ADGRL3: variants seen among roughly 807,000 people sequenced by gnomAD.
ADGRL3 encodes the protein adhesion G protein-coupled receptor L3.
A neutral mutation model predicts 153.5 loss-of-function variants in ADGRL3; 62 were observed. The ratio of observed to expected loss-of-function variants is 0.40; its 90% CI spans 0.33 to 0.50. The LOEUF is 0.50. ADGRL3 is among the 20% of genes least tolerant of loss of function. The probability of loss-of-function intolerance (pLI) is 0.47; values close to 1 mark genes in which losing one functional copy is unlikely to be tolerated. For synonymous variants in ADGRL3, 710 were observed against 672.5 expected, an observed-to-expected ratio of 1.06 and a Z score of -0.86; for missense variants, 1,641 against 1,859.4, an observed-to-expected ratio of 0.88 and a Z score of 2.16.
intron 15 of ADGRL3, among the ~76,000 whole-genome samples, chr4:61,945,789 T>A (rs2098919279): frequency 1.3e-5 from 2 of 151,684 alleles, no homozygotes; most frequent in Non-Finnish European, 2.9e-5. Context: ...TCGCCCTGCT[T>A]CGGCTCGCGC....
intron 8 of ADGRL3, among the ~76,000 whole-genome samples, chr4:61,757,048 C>T (rs1181566157): frequency 2.6e-5 from 4 of 152,116 alleles, no homozygotes; most frequent in Admixed American, 6.5e-5. Context: ...ATTTTTGCGT[C>T]GATGTTCATC....
intron 6 of ADGRL3, among the ~76,000 whole-genome samples, chr4:61,706,740 G>A (rs557044261): frequency 6.6e-6 from 1 of 152,234 alleles, no homozygotes; most frequent in South Asian, 2.1e-4. Context: ...TGGCTCATTG[G>A]ATCTTCTATC....
At position 61,854,066 on chromosome 4, in the gene ADGRL3, C is replaced by G. The variant is rs2098237649; in HGVS notation, c.1481-38590C>G. ...AATCATCTCTTTGTATGTTTATAAGCCAGAGCATCTGGGAATTTATTGCCT... is the reference window on the plus strand; with the variant it reads ...AATCATCTCTTTGTATGTTTATAAGGCAGAGCATCTGGGAATTTATTGCCT... On this transcript the variant is annotated intron_variant, in intron 9 of 26. Transcript: ENST00000683033. 3.3e-5 allele frequency among the ~76,000 whole-genome samples: 5 copies of G among 152,122 alleles called. No homozygotes were observed. The South Asian group carries it at 1.0e-3, about 32-fold the overall frequency.
chr4:62,006,318 C>T (rs2099159067), intron 21 of ADGRL3, among the ~76,000 whole-genome samples: 1 of 151,804 alleles, frequency 6.6e-6, no homozygotes, highest in East Asian at 1.9e-4. Flanking sequence ...CCGCGGAGCC[C>T]AGCCTACATT....
At chr4:61,823,931 C>T (rs555169696) in intron 9 of ADGRL3, among the ~76,000 whole-genome samples, 8 of 151,926 alleles carry the variant, frequency 5.3e-5, no homozygotes, top group East Asian at 3.9e-4. Context: ...CGTGGTGGCA[C>T]GCACCTGTAG....
rs145713134 is a variant in ADGRL3, at chr4:61,638,402, T to C, written c.474-38424T>C. Among the ~76,000 whole-genome samples, 3 of 152,276 alleles carry C rather than the reference T, an allele frequency of 2.0e-5. No individual in the cohort carries two copies. The East Asian group carries it at 5.8e-4, about 29-fold the overall frequency. ...GTATGAAGACACTGGGGTAGTAAGA[T>C]ATCCTAAACTTCATAGTGGTGTGGG... On this transcript the variant is annotated intron_variant, in intron 5 of 26. Transcript: ENST00000683033.
intron 1 of ADGRL3, among the ~76,000 whole-genome samples, chr4:61,294,884 TACACAC>T (rs3035669): frequency 9.5e-6 from 1 of 105,132 alleles, no homozygotes; most frequent in Non-Finnish European, 2.0e-5. Flanking sequence ...AATTAAATTT[TACACAC>T]ACACACACAC....
chr4:61,671,962 A>G (rs138723266), intron 5 of ADGRL3, among the ~76,000 whole-genome samples: 17 of 152,246 alleles, frequency 1.1e-4, no homozygotes, highest in African/African-American at 3.8e-4. Flanking sequence ...CTCAGAAAGA[A>G]GTGACAAATA....
chr4:61,989,471 A>G (rs535842345), intron 19 of ADGRL3, among the ~76,000 whole-genome samples: 4 of 152,074 alleles, frequency 2.6e-5, no homozygotes, highest in African/African-American at 4.8e-5. Context: ...TCATCATTCA[A>G]TATGTCTACA....
intron 6 of ADGRL3, among the ~76,000 whole-genome samples, chr4:61,712,206 C>T (rs763302842): frequency 6.6e-6 from 1 of 151,888 alleles, no homozygotes; most frequent in Non-Finnish European, 1.5e-5. Context: ...CCAGTCTGGG[C>T]AACATATTGA....
intron 17 of ADGRL3, among the ~76,000 whole-genome samples, chr4:61,950,629 T>C (rs924836767): frequency 2.0e-5 from 3 of 152,172 alleles, no homozygotes; most frequent in Non-Finnish European, 2.9e-5. Context: ...ACACACAGAC[T>C]GGGTGGTCTT....
At chr4:61,775,702 C>G (rs2097139821) in intron 8 of ADGRL3, 2 of 1,374,976 alleles carry the variant, frequency 1.5e-6, no homozygotes, top group South Asian at 2.3e-5. Context: ...TGCAAGCACA[C>G]AAAGGTGGGC....
At chr4:61,563,734 G>A (rs1216009942) in intron 4 of ADGRL3, among the ~76,000 whole-genome samples, 1 of 152,172 alleles carries the variant, frequency 6.6e-6, no homozygotes, top group Non-Finnish European at 1.5e-5. Context: ...CATGGGCCAG[G>A]CACGGTGGCT....
intron 1 of ADGRL3, among the ~76,000 whole-genome samples, chr4:61,310,635 G>A (rs948932994): frequency 6.6e-6 from 1 of 152,024 alleles, no homozygotes; most frequent in African/African-American, 2.4e-5. Context: ...AATCCTTTGA[G>A]CTTTTATTTG....
intron 13 of ADGRL3, among the ~76,000 whole-genome samples, chr4:61,922,280 A>G (rs1043114369): frequency 6.6e-6 from 1 of 152,214 alleles, no homozygotes; most frequent in African/African-American, 2.4e-5. Flanking sequence ...TCTGTAATTT[A>G]AAACTGTTTA....
chr4:62,038,844 A>G (rs1300061061), intron 24 of ADGRL3, among the ~76,000 whole-genome samples: 2 of 152,032 alleles, frequency 1.3e-5, no homozygotes, highest in Non-Finnish European at 2.9e-5. Context: ...CCTGGCCTCA[A>G]GTGATCCACC....
intron 4 of ADGRL3, among the ~76,000 whole-genome samples, chr4:61,578,694 C>G (rs560677943): frequency 6.6e-6 from 1 of 152,022 alleles, no homozygotes; most frequent in Non-Finnish European, 1.5e-5. Context: ...TTACTATCCC[C>G]TCTCCGATAT....
rs147947659 is a variant in ADGRL3, at chr4:61,295,528, C to G, written c.-239-87596C>G. 2.6e-5 allele frequency among the ~76,000 whole-genome samples: 4 copies of G among 152,112 alleles called. No individual in the cohort carries two copies. The East Asian group carries it at 7.7e-4, about 29-fold the overall frequency. On this transcript the variant is annotated intron_variant, in intron 1 of 26. Transcript: ENST00000683033. ...AAATAGAGATCTAGCAAATATCAAA[C>G]AAGTATAAAAGTACTAAACTTTTTG...
At chr4:61,209,403 A>G (rs922220968) in intron 1 of ADGRL3, among the ~76,000 whole-genome samples, 2 of 152,180 alleles carry the variant, frequency 1.3e-5, no homozygotes, top group African/African-American at 4.8e-5. Flanking sequence ...TACCTGGTGG[A>G]GTGAATACTT....
Sources: allele counts gnomAD v4.1 joint callset (sites outside exome capture counted in the v4.1 genomes callset), GRCh38; gene constraint gnomAD v4.1.1; transcripts MANE v1.5; gene names NCBI Gene and HGNC (gene_info 2026-07-23, HGNC 2026-07-21).